The following VWC2L variants were observed in gnomAD, a reference collection of about 807,000 sequenced individuals.
The protein encoded by VWC2L is von Willebrand factor C domain-containing protein 2-like.
In VWC2L, 10 loss-of-function variants were observed where a neutral mutation model predicts 21.6. The ratio of observed to expected loss-of-function variants is 0.46; its 90% CI spans 0.29 to 0.78. VWC2L has a LOEUF of 0.78. VWC2L is among the 30% of genes least tolerant of loss of function. The pLI, the probability that VWC2L is intolerant of heterozygous loss-of-function variation, is 0.10. For synonymous variants in VWC2L, 96 were observed against 94.3 expected (o/e 1.02, Z -0.10); for missense variants, 209 against 277.1 (o/e 0.75, Z 1.74).
At chr2:214,552,611 T>G (rs1689811583) in intron 3 of VWC2L, among the ~76,000 whole-genome samples, 1 of 152,208 alleles carries the variant, frequency 6.6e-6, no homozygotes, top group Non-Finnish European at 1.5e-5. Flanking sequence ...CCTATTTCTG[T>G]AATCATTAAT....
intron 3 of VWC2L, among the ~76,000 whole-genome samples, chr2:214,475,910 A>G (rs1182294874): frequency 1.3e-5 from 2 of 152,220 alleles, no homozygotes; most frequent in African/African-American, 4.8e-5. Context: ...TCAAAGCCAA[A>G]AGTTGAATGT....
chr2:214,504,966 C>G (rs534922279), intron 3 of VWC2L, among the ~76,000 whole-genome samples: 1 of 152,180 alleles, frequency 6.6e-6, no homozygotes, highest in Non-Finnish European at 1.5e-5. Flanking sequence ...ATAAATTTGA[C>G]TGGCCTGAAC....
At chr2:214,477,755 T>G (rs1433230945) in intron 3 of VWC2L, among the ~76,000 whole-genome samples, 1 of 152,268 alleles carries the variant, frequency 6.6e-6, no homozygotes, top group East Asian at 1.9e-4. Flanking sequence ...CTGAATATAT[T>G]ATACAATTGA....
intron 3 of VWC2L, among the ~76,000 whole-genome samples, chr2:214,535,077 G>A (rs1363058004): frequency 2.0e-5 from 3 of 152,074 alleles, no homozygotes; most frequent in African/African-American, 7.2e-5. Flanking sequence ...AATATAGGCA[G>A]TATTTCAAAA....
At chr2:214,479,312 G>T (rs1179455968) in intron 3 of VWC2L, among the ~76,000 whole-genome samples, 1 of 152,096 alleles carries the variant, frequency 6.6e-6, no homozygotes, top group African/African-American at 2.4e-5. Flanking sequence ...GATAGTCATA[G>T]TGTTTATCTT....
intron 3 of VWC2L, among the ~76,000 whole-genome samples, chr2:214,491,655 T>G (rs1574594898): frequency 6.6e-6 from 1 of 152,196 alleles, no homozygotes; most frequent in Non-Finnish European, 1.5e-5. Context: ...GTGCCCTGAG[T>G]CCTTTCACTC....
chr2:214,529,528 A>C (rs1031944155), intron 3 of VWC2L, among the ~76,000 whole-genome samples: 1 of 152,118 alleles, frequency 6.6e-6, no homozygotes, highest in Non-Finnish European at 1.5e-5. Context: ...TCTTACAAGC[A>C]CTCAAGACCA....
At chr2:214,557,936 G>C (rs1333008998) in intron 3 of VWC2L, among the ~76,000 whole-genome samples, 2 of 152,148 alleles carry the variant, frequency 1.3e-5, no homozygotes, top group Admixed American at 6.5e-5. Context: ...CCTCTGCACT[G>C]TCTCTTACAG....
Position 214,575,975 on chromosome 2 carries a change from A to C in VWC2L, c.*155A>C. On this transcript the variant is annotated 3_prime_UTR_variant, in exon 4 of 4. Transcript: ENST00000312504. ...GGTTGACAAAAGTGAATATTTTCCT[A>C]AGAGGAAATTTCTTTCTCTCTTGCT... 2 of 776,410 alleles carry C rather than the reference A, an allele frequency of 2.6e-6. No individual in the cohort carries two copies. Among genetic ancestry groups the C allele is most frequent in the Non-Finnish European group, 4.0e-6 (2 of 505,236 alleles). The allele number at this position is 776,410 out of a possible 1,614,324, so 48.1% of individuals were successfully genotyped here.
chr2:214,576,048 A>ACCAATG lies in VWC2L; in HGVS notation c.*230_*235dup. 1 of 290,262 alleles carries ACCAATG rather than the reference A, an allele frequency of 3.4e-6. No homozygotes were observed. Among genetic ancestry groups the ACCAATG allele is most frequent in the Admixed American group, 4.9e-5 (1 of 20,296 alleles). The allele number at this position is 290,262 out of a possible 1,614,324, so 18.0% of individuals were successfully genotyped here. A position where few individuals can be genotyped will look rare whatever the true frequency, so the allele number is the denominator to read the frequency against. ...AGCTATCTAAATCGCTTTTGTATTT[A>ACCAATG]CCAATGCTTGATGGTGACTTGACGA... is the stretch of plus-strand genomic sequence containing the variant. On this transcript the variant is annotated 3_prime_UTR_variant, in exon 4 of 4. Coordinates refer to ENST00000312504, the MANE Select transcript of VWC2L (RefSeq NM_001080500.4).
chr2:214,573,612 G>A (rs1420347962), intron 3 of VWC2L, among the ~76,000 whole-genome samples: 4 of 152,068 alleles, frequency 2.6e-5, no homozygotes, highest in Admixed American at 2.0e-4. Flanking sequence ...TGTCAACAAC[G>A]GCCCCAGGAG....
chr2:214,574,032 C>G (rs1690191706), intron 3 of VWC2L, among the ~76,000 whole-genome samples: 1 of 152,182 alleles, frequency 6.6e-6, no homozygotes, highest in African/African-American at 2.4e-5. Context: ...GTCCCAGCTA[C>G]CTGGGAGGCT....
chr2:214,429,262 C>A (rs1559288116), intron 2 of VWC2L, among the ~76,000 whole-genome samples: 1 of 152,186 alleles, frequency 6.6e-6, no homozygotes, highest in Admixed American at 6.5e-5. Flanking sequence ...CATGAAAATA[C>A]ATGGGTTCTG....
At chr2:214,450,404 A>G (rs763035587) in intron 3 of VWC2L, among the ~76,000 whole-genome samples, 7 of 152,182 alleles carry the variant, frequency 4.6e-5, no homozygotes, top group Non-Finnish European at 8.8e-5. Flanking sequence ...GTGTCTAAGC[A>G]CCCATGTGGA....
intron 3 of VWC2L, among the ~76,000 whole-genome samples, chr2:214,437,920 A>G (rs1242890583): frequency 6.6e-6 from 1 of 152,078 alleles, no homozygotes; most frequent in Non-Finnish European, 1.5e-5. Flanking sequence ...ATTTCTGATC[A>G]TATAAATCGA....
chr2:214,444,721 C>T (rs1395803567), intron 3 of VWC2L, among the ~76,000 whole-genome samples: 1 of 151,898 alleles, frequency 6.6e-6, no homozygotes, highest in Non-Finnish European at 1.5e-5. Context: ...AAAAAAGTAA[C>T]CCATGTGTGT....
chr2:214,455,363 T>G (rs1202155311), intron 3 of VWC2L, among the ~76,000 whole-genome samples: 1 of 152,228 alleles, frequency 6.6e-6, no homozygotes, highest in African/African-American at 2.4e-5. Context: ...TAATATTCCC[T>G]TAGTAAACTT....
chr2:214,491,593 C>T (rs1034528312), intron 3 of VWC2L, among the ~76,000 whole-genome samples: 2 of 152,112 alleles, frequency 1.3e-5, no homozygotes, highest in African/African-American at 2.4e-5. Flanking sequence ...ACTCAACTCC[C>T]GTATTAGGGA....
At chr2:214,491,979 G>T (rs1450146291) in intron 3 of VWC2L, among the ~76,000 whole-genome samples, 1 of 152,176 alleles carries the variant, frequency 6.6e-6, no homozygotes, top group Non-Finnish European at 1.5e-5. Flanking sequence ...ATGTTAAGGA[G>T]AGGAGCATTG....
Sources: allele counts gnomAD v4.1 joint callset (sites outside exome capture counted in the v4.1 genomes callset), GRCh38; gene constraint gnomAD v4.1.1; transcripts MANE v1.5; gene names NCBI Gene and HGNC (gene_info 2026-07-23, HGNC 2026-07-21).